MRPS11: variants seen among roughly 807,000 people sequenced by gnomAD.
The protein encoded by MRPS11 is small ribosomal subunit protein uS11m.
In MRPS11, 27 loss-of-function variants were observed where a neutral mutation model predicts 24.3. The observed-to-expected ratio is 1.11, with a 90% CI of 0.82 to 1.53. The LOEUF is 1.53. Ranked by LOEUF, MRPS11 falls within the 40% of genes most tolerant of loss-of-function variation. MRPS11 has a pLI of 0.00. For synonymous variants in MRPS11, 104 were observed against 98.7 expected, an observed-to-expected ratio of 1.05 and a Z score of -0.32; for missense variants, 277 against 256.5, an observed-to-expected ratio of 1.08 and a Z score of -0.55.
intron 2 of MRPS11, among the ~76,000 whole-genome samples, chr15:88,470,797 C>T (rs1191594912): frequency 1.3e-5 from 2 of 152,056 alleles, no homozygotes; most frequent in African/African-American, 2.4e-5. Context: ...ATAGTCAGTA[C>T]CTTAAAGTTC....
chr15:88,468,423 G>T (rs1197450352), intron 2 of MRPS11: 2 of 1,058,416 alleles, frequency 1.9e-6, no homozygotes, highest in South Asian at 3.0e-5. Flanking sequence ...GATGGTCCAG[G>T]GTGGGTTTTG....
At position 88,477,266 on chromosome 15, in the gene MRPS11, C is replaced by T. The variant is rs971560903; in HGVS notation, c.477+212C>T. 3.9e-5 allele frequency among the ~76,000 whole-genome samples: 6 copies of T among 152,192 alleles called. No homozygotes were observed. Among genetic ancestry groups the T allele is most frequent in the South Asian group, 2.1e-4 (1 of 4,822 alleles). On this transcript the variant is annotated intron_variant, in intron 5 of 5. Transcript: ENST00000325844. This position sits in a 1 kb window ranked among gnomAD's most constrained non-coding sequence, Gnocchi z 5.7. ...TTCATCAGACACTGAGTGCCTGCTG[C>T]GTGCCACGCACTGGGAATGGGAAGG...
Position 88,475,083 on chromosome 15 carries a change from C to G in MRPS11, c.282-27C>G. On this transcript the variant is annotated intron_variant, in intron 3 of 5. Coordinates refer to ENST00000325844, the MANE Select transcript of MRPS11 (RefSeq NM_022839.5). The surrounding 1 kb of genome is among the most constrained non-coding windows in gnomAD (Gnocchi z 4.1). ...TTATTTCCCTGAAGAAGAGTTGTAT[C>G]CTATGTGCTTCTTCTACTTTTCTCA... 1.2e-6 allele frequency: 2 copies of G among 1,613,636 alleles called. No homozygotes were observed. The highest frequency in any genetic ancestry group is 4.5e-5 in the East Asian group (2 of 44,876).
chr15:88,467,849 G>A, intron 1 of MRPS11, 59 bp from the exon 2 acceptor site: 6 of 1,612,816 alleles, frequency 3.7e-6, no homozygotes, highest in Non-Finnish European at 5.1e-6. Flanking sequence ...CGTGTCCCTT[G>A]AGCCACCCGG....
Position 88,467,796 on chromosome 15 carries a change from G to T in MRPS11, c.65+14G>T. ...CCAGACAGCCGGGTAACAAATGACTGCCCCCTCGAGCCCACCGCCACCTCC... is the reference window on the plus strand; with the variant it reads ...CCAGACAGCCGGGTAACAAATGACTTCCCCCTCGAGCCCACCGCCACCTCC... On this transcript the variant is annotated intron_variant, in intron 1 of 5. Transcript: ENST00000325844. 5.6e-6 allele frequency: 9 copies of T among 1,613,896 alleles called. No homozygotes were observed. Among genetic ancestry groups the T allele is most frequent in the Non-Finnish European group, 7.6e-6 (9 of 1,179,974 alleles).
At position 88,478,538 on chromosome 15, in the gene MRPS11, T is replaced by C. The variant is rs1397521251; in HGVS notation, c.*559T>C. 6.4e-6 allele frequency: 1 copy of C among 156,158 alleles called. No homozygotes were observed. 9.7% of individuals were successfully genotyped at this position (156,158 alleles called of 1,614,324 possible). A position where few individuals can be genotyped will look rare whatever the true frequency, so the allele number is the denominator to read the frequency against. ...TGGATTCTGATGGATTTCGCCATTA[T>C]GGGCATGTTTAAAGTTAGCCCTAAA... On this transcript the variant is annotated 3_prime_UTR_variant, in exon 6 of 6. Coordinates refer to ENST00000325844, the MANE Select transcript of MRPS11 (RefSeq NM_022839.5). This position sits in a 1 kb window ranked among gnomAD's most constrained non-coding sequence, Gnocchi z 4.7.
In MRPS11 at chr15:88,478,889, T is replaced by G. The variant is rs969288752; in HGVS notation, c.*910T>G. ...CTGTAATCCCAGCTACTCTGGAGGC[T>G]GAGGCATGAAAATCGCTTGAACCCA... is the stretch of plus-strand genomic sequence containing the variant. On this transcript the variant is annotated 3_prime_UTR_variant, in exon 6 of 6. Coordinates refer to ENST00000325844, the MANE Select transcript of MRPS11 (RefSeq NM_022839.5). The surrounding 1 kb of genome is among the most constrained non-coding windows in gnomAD (Gnocchi z 4.7). The G allele has an allele frequency of 6.6e-6, 1 of 152,144 alleles. No individual in the cohort carries two copies. The highest frequency in any genetic ancestry group is 1.5e-5 in the Non-Finnish European group (1 of 68,040). 9.4% of individuals were successfully genotyped at this position (152,144 alleles called of 1,614,324 possible).
intron 2 of MRPS11, among the ~76,000 whole-genome samples, chr15:88,470,310 AAAAC>A (rs1436938286): frequency 2.6e-5 from 4 of 152,212 alleles, no homozygotes; most frequent in Admixed American, 2.0e-4. Flanking sequence ...CCATCTCAAA[AAAAC>A]AAACAAGCAA....
In MRPS11 at chr15:88,475,236, G is replaced by A. The variant is rs748781780; in HGVS notation, c.408G>A (p.Ala136=). The change falls in exon 4 of 6, where the codon GCG becomes GCA. Residue 136 remains alanine, a synonymous_variant. Transcript: ENST00000325844. The surrounding 1 kb of genome is among the most constrained non-coding windows in gnomAD (Gnocchi z 4.1). ...IAAQTAGIAA[A]ARAKQKGVIH... ...CACAGACAGCAGGCATAGCCGCAGC[G>A]GCGGTAAGTGTGTGTTCCTTCTGCT... is the stretch of plus-strand genomic sequence containing the variant. 43 of 1,613,994 alleles carry A rather than the reference G, an allele frequency of 2.7e-5. No individual in the cohort carries two copies. The highest frequency in any genetic ancestry group is 5.3e-5 in the African/African-American group (4 of 74,954).
intron 1 of MRPS11, 38 bp from the exon 2 acceptor site, chr15:88,467,870 C>T: frequency 1.2e-6 from 2 of 1,613,422 alleles, no homozygotes; most frequent in Non-Finnish European, 1.7e-6. Flanking sequence ...GCCCCAGTGA[C>T]CGTTAGGCCG....
rs2055895646 is a variant in MRPS11 at position 88,479,759 on chromosome 15, C to CAGAG, written c.*1781_*1784dup. 6.6e-6 allele frequency: 1 copy of CAGAG among 152,226 alleles called. No homozygotes were observed. Among genetic ancestry groups the CAGAG allele is most frequent in the Admixed American group, 6.5e-5 (1 of 15,276 alleles). 9.4% of individuals were successfully genotyped at this position (152,226 alleles called of 1,614,324 possible). On this transcript the variant is annotated 3_prime_UTR_variant, in exon 6 of 6. Coordinates refer to ENST00000325844, the MANE Select transcript of MRPS11 (RefSeq NM_022839.5). ...TCGCGATTTGATATGGTTTGGTGGA[C>CAGAG]AGAGGGCCCGTAGCCATCAGACAGT...
intron 1 of MRPS11, 47 bp from the exon 2 acceptor site, chr15:88,467,861 C>A (rs1294634141): frequency 1.2e-6 from 2 of 1,612,620 alleles, no homozygotes; most frequent in African/African-American, 1.3e-5. Flanking sequence ...GCCACCCGGG[C>A]CCCAGTGACC....
At position 88,475,078 on chromosome 15, in the gene MRPS11, T is replaced by A. The variant is rs763501555; in HGVS notation, c.282-32T>A. 6 of 1,613,182 alleles carry A rather than the reference T, an allele frequency of 3.7e-6. No homozygotes were observed. The South Asian group carries it at 6.6e-5, about 18-fold the overall frequency. On this transcript the variant is annotated intron_variant, in intron 3 of 5. Transcript: ENST00000325844. The surrounding 1 kb of genome is among the most constrained non-coding windows in gnomAD (Gnocchi z 4.1). Reference sequence around the variant, plus strand: ...CTCTCTTATTTCCCTGAAGAAGAGTTGTATCCTATGTGCTTCTTCTACTTT... The same window carrying A: ...CTCTCTTATTTCCCTGAAGAAGAGTAGTATCCTATGTGCTTCTTCTACTTT...
chr15:88,471,115 T>C (rs1358826638), intron 2 of MRPS11, among the ~76,000 whole-genome samples: 1 of 152,116 alleles, frequency 6.6e-6, no homozygotes, highest in Non-Finnish European at 1.5e-5. Context: ...TCTATTCCCC[T>C]GTGGAGGTCA....
rs1382971423 is a variant in MRPS11 at position 88,467,721 on chromosome 15, C to G, written c.4C>G (p.Gln2Glu). Residue 2 changes from glutamine (Q) to glutamate (E), a missense_variant, in exon 1 of 6, where the codon CAG (glutamine) becomes GAG (glutamate). Coordinates refer to ENST00000325844, the MANE Select transcript of MRPS11 (RefSeq NM_022839.5). M[Q>E]AVRNAGSRFL... ...CTGACTGGGGTCAATTCAAGTCATGCAGGCTGTGAGAAACGCGGGGTCGCG... is the reference window on the plus strand; with the variant it reads ...CTGACTGGGGTCAATTCAAGTCATGGAGGCTGTGAGAAACGCGGGGTCGCG... 1.2e-6 allele frequency: 2 copies of G among 1,614,016 alleles called. No homozygotes were observed. The highest frequency in any genetic ancestry group is 3.3e-5 in the Admixed American group (2 of 60,008).
At chr15:88,472,449 TAAGC>T (rs2055731201) in intron 2 of MRPS11, 174 bp from the exon 3 acceptor site, 2 of 563,956 alleles carry the variant, frequency 3.5e-6, no homozygotes, top group Non-Finnish European at 6.4e-6. Context: ...AACAGCATCA[TAAGC>T]ACAGCAGTCA....
At chr15:88,468,132 G>T (rs1454889024) in intron 2 of MRPS11, 108 bp downstream of exon 2, 3 of 1,484,670 alleles carry the variant, frequency 2.0e-6, no homozygotes, top group Non-Finnish European at 2.7e-6. Context: ...CTTGCTATCC[G>T]TGGGACCTTA....
intron 3 of MRPS11, 130 bp downstream of exon 3, chr15:88,472,855 G>A (rs2142214258): frequency 1.6e-6 from 1 of 624,634 alleles, no homozygotes; most frequent in Admixed American, 3.0e-5. Flanking sequence ...TGGCGCTAAT[G>A]TAGGGCACCG....
chr15:88,474,906 A>T (rs2055789313), intron 3 of MRPS11: 1 of 527,956 alleles, frequency 1.9e-6, no homozygotes, highest in Non-Finnish European at 3.3e-6. Flanking sequence ...GTGACTTACC[A>T]GTTTTCAGTC....
Sources: allele counts gnomAD v4.1 joint callset (sites outside exome capture counted in the v4.1 genomes callset), GRCh38; gene constraint gnomAD v4.1.1; non-coding constraint Gnocchi (gnomAD v3.1); transcripts MANE v1.5; gene names NCBI Gene and HGNC (gene_info 2026-07-23, HGNC 2026-07-21).